Variants in ZYG11A observed in about 807,000 individuals in gnomAD.
ZYG11A encodes the protein protein zyg-11 homolog A.
In ZYG11A, 62 loss-of-function variants were observed where a neutral mutation model predicts 77.2. The ratio of observed to expected loss-of-function variants is 0.80; its 90% CI spans 0.65 to 0.99. The LOEUF (loss-of-function observed/expected upper bound fraction) is 0.99. ZYG11A is among the 50% of genes least tolerant of loss of function. The pLI is 0.00. For missense variants in ZYG11A, 828 were observed against 896.8 expected, an observed-to-expected ratio of 0.92 and a Z score of 0.98; for synonymous variants, 315 against 324.6, an observed-to-expected ratio of 0.97 and a Z score of 0.32.
intron 1 of ZYG11A, among the ~76,000 whole-genome samples, chr1:52,852,795 C>T (rs1165766570): frequency 6.6e-6 from 1 of 152,178 alleles, no homozygotes; most frequent in Non-Finnish European, 1.5e-5. Flanking sequence ...ATAGGTTAGT[C>T]TGGCCTACCT....
chr1:52,853,180 C>T (rs1645746122), intron 1 of ZYG11A, among the ~76,000 whole-genome samples: 1 of 152,214 alleles, frequency 6.6e-6, no homozygotes, highest in Non-Finnish European at 1.5e-5. Flanking sequence ...GCAGCTCACT[C>T]TGCTGACCAG....
intron 1 of ZYG11A, among the ~76,000 whole-genome samples, chr1:52,852,483 G>A (rs1645732736): frequency 6.6e-6 from 1 of 150,904 alleles, no homozygotes; most frequent in Non-Finnish European, 1.5e-5. Context: ...CCTGCCTCAA[G>A]GCTCCTGAGT....
chr1:52,864,362 C>T (rs1486969513), intron 5 of ZYG11A, among the ~76,000 whole-genome samples: 1 of 152,138 alleles, frequency 6.6e-6, no homozygotes, highest in African/African-American at 2.4e-5. Flanking sequence ...TCTCCTGCTT[C>T]AGCCTCCTGA....
At chr1:52,865,157 G>C (rs1408587697) in intron 5 of ZYG11A, among the ~76,000 whole-genome samples, 1 of 151,826 alleles carries the variant, frequency 6.6e-6, no homozygotes, top group Non-Finnish European at 1.5e-5. Flanking sequence ...GGCCAGGGTG[G>C]TCTCGAACTC....
rs80210078 is a variant in ZYG11A, at chr1:52,852,821, C to T, written c.91-1644C>T. The stretch of plus-strand genomic sequence containing the variant: ...TGGCCTACCTTAAATGTGCTCAGAA[C>T]TCTTATATTAGCCTACAGTCGAGGA... On this transcript the variant is annotated intron_variant, in intron 1 of 13. Coordinates refer to ENST00000371528, the MANE Select transcript of ZYG11A (RefSeq NM_001004339.3). Among the ~76,000 whole-genome samples the T allele has an allele frequency of 5.9e-3, 898 of 152,222 alleles. 3 individuals are homozygous for T. The highest frequency in any genetic ancestry group is 0.02 in the African/African-American group (847 of 41,542).
intron 4 of ZYG11A, 102 bp from the exon 5 acceptor site, chr1:52,863,879 T>A: frequency 9.3e-7 from 1 of 1,078,934 alleles, no homozygotes; most frequent in South Asian, 1.7e-5. Flanking sequence ...GAAAATCTGT[T>A]CCTGTCCCAA....
intron 13 of ZYG11A, among the ~76,000 whole-genome samples, chr1:52,890,250 T>A (rs34268944): frequency 1.0e-5 from 1 of 98,938 alleles, no homozygotes; most frequent in South Asian, 3.2e-4. Context: ...TTTCTTTTAG[T>A]TTTTTTTTTT....
At position 52,892,857 on chromosome 1, in the gene ZYG11A, C is replaced by T. The variant is rs1014451251; in HGVS notation, c.2180C>T (p.Ala727Val). ...LLCDIQEHSE[A>V]TPKAQQIAAS... ...TGTGATATCCAGGAGCACAGTGAGG[C>T]AACCCCCAAAGCACAGCAGATTGCA... The change falls in exon 14 of 14, where the codon GCA becomes GTA. Residue 727 changes from alanine to valine, a missense_variant. By Grantham distance (64) the Ala-to-Val change is moderately conservative (BLOSUM62 0). Coordinates refer to ENST00000371528, the MANE Select transcript of ZYG11A (RefSeq NM_001004339.3). 2 of 1,551,552 alleles carry T rather than the reference C, an allele frequency of 1.3e-6. No individual in the cohort carries two copies. The highest frequency in any genetic ancestry group is 2.7e-5 in the African/African-American group (2 of 73,022).
intron 2 of ZYG11A, among the ~76,000 whole-genome samples, chr1:52,856,455 CAAAAAAAAAA>C (rs57138221): frequency 9.6e-6 from 1 of 104,102 alleles, no homozygotes; most frequent in Non-Finnish European, 1.9e-5. Context: ...GACTCCATCT[CAAAAAAAAAA>C]AAAAAAAAAA....
At chr1:52,876,972 G>C (rs1022739547) in intron 8 of ZYG11A, among the ~76,000 whole-genome samples, 7 of 152,102 alleles carry the variant, frequency 4.6e-5, no homozygotes, top group African/African-American at 7.2e-5. Flanking sequence ...GTACTTTGCA[G>C]TCTGTTTAAG....
At chr1:52,846,333 TATA>T (rs1645581229) in intron 1 of ZYG11A, among the ~76,000 whole-genome samples, 1 of 12,664 alleles carries the variant, frequency 7.9e-5, no homozygotes, top group African/African-American at 2.7e-4. Flanking sequence ...TATATATATA[TATA>T]TATATATATA....
At chr1:52,870,106 G>GAT (rs1646125736) in intron 8 of ZYG11A, among the ~76,000 whole-genome samples, 1 of 147,592 alleles carries the variant, frequency 6.8e-6, no homozygotes, top group Admixed American at 6.7e-5. Flanking sequence ...CATCCCAGAC[G>GAT]GGGCGGCGGG....
chr1:52,859,986 T>C (rs1251788378), intron 3 of ZYG11A, among the ~76,000 whole-genome samples: 1 of 152,136 alleles, frequency 6.6e-6, no homozygotes, highest in African/African-American at 2.4e-5. Context: ...GCCTACTGTC[T>C]TGATTACTAT....
At chr1:52,889,941 C>A (rs980426370) in intron 13 of ZYG11A, among the ~76,000 whole-genome samples, 1 of 151,464 alleles carries the variant, frequency 6.6e-6, no homozygotes, top group Non-Finnish European at 1.5e-5. Flanking sequence ...TCTCGATCTC[C>A]GGACCTCATG....
chr1:52,861,312 T>G (rs1925673), intron 4 of ZYG11A, among the ~76,000 whole-genome samples: 73,940 of 152,012 alleles, frequency 0.49, 19,208 homozygotes, highest in Non-Finnish European at 0.59. Context: ...AAAGAAAACT[T>G]CAGTTATTTA....
chr1:52,867,437 T>G, intron 6 of ZYG11A, 102 bp from the exon 7 acceptor site: 1 of 783,902 alleles, frequency 1.3e-6, no homozygotes, highest in Admixed American at 2.4e-5. Flanking sequence ...AGTCCAAGAC[T>G]GTTTTCATTA....
chr1:52,854,521 C>T lies in ZYG11A; in HGVS notation c.147C>T (p.Asn49=). 3 of 1,551,634 alleles carry T rather than the reference C, an allele frequency of 1.9e-6. No homozygotes were observed. Among genetic ancestry groups the T allele is most frequent in the Non-Finnish European group, 2.6e-6 (3 of 1,146,710 alleles). The change falls in exon 2 of 14, where the codon AAC becomes AAT. Residue 49 remains asparagine (N), a synonymous_variant. Transcript: ENST00000371528. The stretch of plus-strand genomic sequence containing the variant: ...TCTGCCTGAATGTCCTGATTGCTAA[C>T]CTGGAGAAATTGTGTTCTGAAAGAC... The part of the protein sequence containing the change: ...VNICLNVLIA[N]LEKLCSERPD...
Position 52,854,567 on chromosome 1 carries a change from C to A in ZYG11A, c.193C>A (p.Pro65Thr). The change falls in exon 2 of 14, where the codon CCG (proline) becomes ACG (threonine). Residue 65 changes from proline to threonine, a missense_variant. By Grantham distance (38) the Pro-to-Thr change is conservative. Transcript: ENST00000371528. ...SERPDGTLCL[P>T]EHWSFPQEVA... ...AAGACCTGATGGAACACTGTGCCTT[C>A]CGGAGCATTGGAGTTTCCCTCAGGA... 6.4e-7 allele frequency: 1 copy of A among 1,550,722 alleles called. No homozygotes were observed. Among genetic ancestry groups the A allele is most frequent in the Non-Finnish European group, 8.7e-7 (1 of 1,146,220 alleles).
chr1:52,883,364 T>A (rs1646392771), intron 11 of ZYG11A, among the ~76,000 whole-genome samples: 1 of 152,056 alleles, frequency 6.6e-6, no homozygotes, highest in African/African-American at 2.4e-5. Context: ...CCTCAAGTGA[T>A]CCACCTGCCT....
Sources: allele counts gnomAD v4.1 joint callset (sites outside exome capture counted in the v4.1 genomes callset), GRCh38; gene constraint gnomAD v4.1.1; transcripts MANE v1.5; gene names NCBI Gene and HGNC (gene_info 2026-07-23, HGNC 2026-07-21).